The following NBEA variants were observed in gnomAD, a reference collection of about 807,000 sequenced individuals.
NBEA encodes the protein lysosomal-trafficking regulator 2.
In NBEA, 44 loss-of-function variants were observed where a neutral mutation model predicts 343.4. The ratio of observed to expected loss-of-function variants is 0.13; its 90% CI spans 0.10 to 0.16. The LOEUF is 0.16. NBEA is among the 10% of genes least tolerant of loss of function. NBEA has a pLI of 1.00. For missense variants in NBEA, 2,555 were observed against 3,631.3 expected (o/e 0.70, Z 7.62); for synonymous variants, 1,175 against 1,238.7 (o/e 0.95, Z 1.08).
rs561287721 is a variant in NBEA, at chr13:35,003,270, A to G, written c.295-37663A>G. 5.3e-5 allele frequency among the ~76,000 whole-genome samples: 8 copies of G among 152,276 alleles called. No homozygotes were observed. In the South Asian group the frequency reaches 1.7e-3, roughly 32 times the overall value. On this transcript the variant is annotated intron_variant, in intron 1 of 58. Coordinates refer to ENST00000379939, the MANE Select transcript of NBEA (RefSeq NM_001385012.1). ...CTGGTGTGTGCCTGTAGGCCCAGCTACTTCAGGGGGGCTGAGGTAAGAGAA... is the reference window on the plus strand; with the variant it reads ...CTGGTGTGTGCCTGTAGGCCCAGCTGCTTCAGGGGGGCTGAGGTAAGAGAA...
At chr13:35,633,273 T>G (rs1186599619) in intron 49 of NBEA, among the ~76,000 whole-genome samples, 1 of 151,318 alleles carries the variant, frequency 6.6e-6, no homozygotes, top group Non-Finnish European at 1.5e-5. Context: ...CGGCTAATTT[T>G]TTGTATTTTT....
intron 1 of NBEA, among the ~76,000 whole-genome samples, chr13:34,951,825 C>T (rs2059358933): frequency 6.6e-6 from 1 of 152,194 alleles, no homozygotes; most frequent in South Asian, 2.1e-4. Flanking sequence ...GTAACTCCCT[C>T]TGGGAGTATT....
chr13:35,346,185 T>A (rs1316840099), intron 36 of NBEA, among the ~76,000 whole-genome samples: 1 of 152,092 alleles, frequency 6.6e-6, no homozygotes, highest in East Asian at 1.9e-4. Flanking sequence ...GGGAATGATA[T>A]GTATTAGCCA....
chr13:35,561,760 C>T (rs1054364352), intron 44 of NBEA, among the ~76,000 whole-genome samples: 2 of 152,018 alleles, frequency 1.3e-5, no homozygotes, highest in African/African-American at 2.4e-5. Flanking sequence ...TGCATAATTG[C>T]ATATAAATAA....
chr13:35,184,495 G>A (rs777113031), intron 30 of NBEA, among the ~76,000 whole-genome samples: 8 of 151,776 alleles, frequency 5.3e-5, no homozygotes, highest in East Asian at 1.9e-4. Flanking sequence ...AAAGGAATGC[G>A]AAAAGTCCAT....
intron 49 of NBEA, among the ~76,000 whole-genome samples, chr13:35,634,508 C>G (rs2083612034): frequency 6.6e-6 from 1 of 152,184 alleles, no homozygotes; most frequent in Non-Finnish European, 1.5e-5. Context: ...TAACAAGATA[C>G]TAAGTTCTGA....
chr13:35,001,118 A>T (rs920844930), intron 1 of NBEA, among the ~76,000 whole-genome samples: 6 of 152,050 alleles, frequency 3.9e-5, no homozygotes, highest in Non-Finnish European at 4.4e-5. Flanking sequence ...GTAGTTCTTA[A>T]ATCTTTTCAA....
rs2038796631 is a variant in NBEA at position 35,329,570 on chromosome 13, G to A, written c.5904-19538G>A. Among the ~76,000 whole-genome samples the A allele has an allele frequency of 4.6e-5, 7 of 151,960 alleles. No homozygotes were observed. The South Asian group carries it at 1.4e-3, about 31-fold the overall frequency. ...GTATGGAACTTAAAAATGCTTATGT[G>A]AAGTGAAAGAAGCCAAACAGCAAAG... On this transcript the variant is annotated intron_variant, in intron 36 of 58. Coordinates refer to ENST00000379939, the MANE Select transcript of NBEA (RefSeq NM_001385012.1).
intron 49 of NBEA, among the ~76,000 whole-genome samples, chr13:35,640,987 A>G (rs2083920030): frequency 6.6e-6 from 1 of 152,166 alleles, no homozygotes; most frequent in Non-Finnish European, 1.5e-5. Flanking sequence ...AATATTCAGC[A>G]AACAATTTTA....
chr13:35,368,021 G>T (rs749155623), intron 38 of NBEA, among the ~76,000 whole-genome samples: 1 of 151,484 alleles, frequency 6.6e-6, no homozygotes, highest in Non-Finnish European at 1.5e-5. Context: ...TGTGTTATGG[G>T]CAGAGTTATG....
chr13:35,195,081 C>G (rs995494337), intron 30 of NBEA, among the ~76,000 whole-genome samples: 1 of 151,802 alleles, frequency 6.6e-6, no homozygotes, highest in Non-Finnish European at 1.5e-5. Context: ...AAATGATCTT[C>G]GATTATCTTG....
At chr13:35,223,340 C>A (rs369913889) in intron 33 of NBEA, among the ~76,000 whole-genome samples, 1 of 152,086 alleles carries the variant, frequency 6.6e-6, no homozygotes, top group Non-Finnish European at 1.5e-5. Context: ...ACATGAATTA[C>A]CTCCGTTTTT....
At chr13:35,358,482 T>C (rs1331178117) in intron 38 of NBEA, among the ~76,000 whole-genome samples, 1 of 151,844 alleles carries the variant, frequency 6.6e-6, no homozygotes, top group Non-Finnish European at 1.5e-5. Context: ...TTTGGGAGGC[T>C]GAGGTGGGCA....
intron 36 of NBEA, among the ~76,000 whole-genome samples, chr13:35,330,186 G>A (rs1167897929): frequency 6.6e-6 from 1 of 151,892 alleles, no homozygotes; most frequent in Non-Finnish European, 1.5e-5. Context: ...GTGTATAGTG[G>A]GGCTAATTGT....
chr13:35,426,082 G>A (rs898474961), intron 38 of NBEA, among the ~76,000 whole-genome samples: 1 of 152,144 alleles, frequency 6.6e-6, no homozygotes, highest in Non-Finnish European at 1.5e-5. Context: ...GCACACTGAT[G>A]GGTCTTGACT....
intron 34 of NBEA, among the ~76,000 whole-genome samples, chr13:35,256,454 C>CCCAGAACT (rs937793009): frequency 6.6e-6 from 1 of 152,154 alleles, no homozygotes; most frequent in African/African-American, 2.4e-5. Flanking sequence ...GCAGACTATA[C>CCCAGAACT]CCAGAACTGA....
rs117998861 is a variant in NBEA at position 35,322,284 on chromosome 13, A to G, written c.5903+12692A>G. On this transcript the variant is annotated intron_variant, in intron 36 of 58. Coordinates refer to ENST00000379939, the MANE Select transcript of NBEA (RefSeq NM_001385012.1). Reference sequence around the variant, plus strand: ...GTTGCAAACACTGTGGGAAAAGTGTAGTATCTGGGCCGGAGTCCACCGTTC... The same window carrying G: ...GTTGCAAACACTGTGGGAAAAGTGTGGTATCTGGGCCGGAGTCCACCGTTC... 3.6e-3 allele frequency among the ~76,000 whole-genome samples: 542 copies of G among 152,298 alleles called. 5 individuals are homozygous for G. Among genetic ancestry groups the G allele is most frequent in the East Asian group, 0.024 (125 of 5,174 alleles).
chr13:35,317,375 G>C (rs919720817), intron 36 of NBEA, among the ~76,000 whole-genome samples: 2 of 152,156 alleles, frequency 1.3e-5, no homozygotes, highest in Admixed American at 1.3e-4. Context: ...TTTCCCCATT[G>C]CTTGATTTTT....
chr13:35,300,871 AT>A (rs2036494109), intron 35 of NBEA, among the ~76,000 whole-genome samples: 1 of 152,096 alleles, frequency 6.6e-6, no homozygotes, highest in African/African-American at 2.4e-5. Context: ...CTTTATACTT[AT>A]GCATTTTTGT....
Sources: gnomAD v4.1 joint callset for allele counts (sites outside exome capture counted in the v4.1 genomes callset) on GRCh38, gnomAD v4.1.1 for gene constraint, MANE v1.5 for transcripts, NCBI Gene and HGNC (gene_info 2026-07-23, HGNC 2026-07-21) for gene names.